The following BPHL variants were observed in gnomAD, a reference collection of about 807,000 sequenced individuals.
The protein encoded by BPHL is serine hydrolase BPHL.
Under a neutral mutation model 31.2 loss-of-function variants are expected in BPHL, and 27 were observed. The ratio of observed to expected loss-of-function variants is 0.87; its 90% CI spans 0.64 to 1.19. The LOEUF (loss-of-function observed/expected upper bound fraction) is 1.19, where lower values mean the gene tolerates loss of function less well. Ranked by LOEUF, BPHL falls within the 50% of genes most tolerant of loss-of-function variation. BPHL has a pLI of 0.00. For missense variants in BPHL, 356 were observed against 375.7 expected, an observed-to-expected ratio of 0.95 and a Z score of 0.43; for synonymous variants, 150 against 146.8, an observed-to-expected ratio of 1.02 and a Z score of -0.16.
chr6:3,135,775 T>G (rs1005250264), intron 4 of BPHL, among the ~76,000 whole-genome samples: 1 of 152,212 alleles, frequency 6.6e-6, no homozygotes, highest in African/African-American at 2.4e-5. Context: ...TTTGTGACCT[T>G]TGGTTAGGAG....
At chr6:3,136,926 A>G (rs961928145) in intron 4 of BPHL, among the ~76,000 whole-genome samples, 1 of 152,216 alleles carries the variant, frequency 6.6e-6, no homozygotes, top group Non-Finnish European at 1.5e-5. Flanking sequence ...TACAAATGCA[A>G]TGCAGAAAAA....
intron 1 of BPHL, chr6:3,119,646 A>T: frequency 5.8e-6 from 7 of 1,211,508 alleles, no homozygotes; most frequent in Non-Finnish European, 7.0e-6. Context: ...TTCTCTACAT[A>T]CATCCCTACA....
rs762985226 is a variant in BPHL at position 3,140,423 on chromosome 6, C to T, written c.702C>T (p.Cys234=). The change falls in exon 6 of 7, where the codon TGC becomes TGT. Residue 234 remains cysteine, a synonymous_variant. Transcript: ENST00000380379. The surrounding 1 kb of genome is among the most constrained non-coding windows in gnomAD (Gnocchi z 5.2). The part of the protein sequence containing the change: ...ICRHLLPRVQ[C]PALIVHGEKD... ...GGCACCTGCTGCCCCGGGTCCAGTG[C>T]CCCGCCTTGATTGTGCACGGTGAGA... 2 of 1,614,140 alleles carry T rather than the reference C, an allele frequency of 1.2e-6. No homozygotes were observed. The highest frequency in any genetic ancestry group is 2.2e-5 in the South Asian group (2 of 91,082).
At position 3,147,615 on chromosome 6, in the gene BPHL, C is replaced by CA. The variant is rs971675910; in HGVS notation, c.789-4864dup. Reference sequence around the variant, plus strand: ...GGTATATGGGCATATTTGGGTTCTCCAAAAAAAAAGAACCAACAAGACGTA... The same window carrying CA: ...GGTATATGGGCATATTTGGGTTCTCCAAAAAAAAAAGAACCAACAAGACGTA... On this transcript the variant is annotated intron_variant, in intron 6 of 6. Transcript: ENST00000380379. Among the ~76,000 whole-genome samples, 727 of 147,648 alleles carry CA rather than the reference C, an allele frequency of 4.9e-3. 5 individuals carry two copies. Among genetic ancestry groups the CA allele is most frequent in the African/African-American group, 0.017 (685 of 40,008 alleles).
chr6:3,152,612 G>C lies in BPHL; in HGVS notation c.*37G>C, dbSNP rs779260234. 6.4e-7 allele frequency: 1 copy of C among 1,572,572 alleles called. No individual in the cohort carries two copies. The highest frequency in any genetic ancestry group is 1.4e-5 in the African/African-American group (1 of 73,344). On this transcript the variant is annotated 3_prime_UTR_variant, in exon 7 of 7. Coordinates refer to ENST00000380379, the MANE Select transcript of BPHL (RefSeq NM_004332.4). ...CCAGTCTTGGTGGTTCCTTCGTGTG[G>C]GGCTTGATCGTGTTGCTGCCTGTTA...
upstream of BPHL, chr6:3,118,529 G>T: frequency 2.6e-6 from 1 of 388,778 alleles, no homozygotes; most frequent in Non-Finnish European, 4.5e-6. Flanking sequence ...GGTGCCGGCG[G>T]TTCCAGGACT....
Position 3,152,607 on chromosome 6 carries a change from G to T in BPHL, c.*32G>T, listed in dbSNP as rs140136196. ...ACACTCCAGTCTTGGTGGTTCCTTC[G>T]TGTGGGGCTTGATCGTGTTGCTGCC... On this transcript the variant is annotated 3_prime_UTR_variant, in exon 7 of 7. Transcript: ENST00000380379. 10 of 1,589,062 alleles carry T rather than the reference G, an allele frequency of 6.3e-6. No individual in the cohort carries two copies. The highest frequency in any genetic ancestry group is 1.3e-5 in the African/African-American group (1 of 74,150).
upstream of BPHL, chr6:3,118,706 C>A: frequency 1.6e-6 from 2 of 1,249,986 alleles, no homozygotes; most frequent in Non-Finnish European, 2.0e-6. Flanking sequence ...GGTCTTAGCG[C>A]ATGCGCACTC....
At chr6:3,126,955 G>T in intron 2 of BPHL, 4 of 187,212 alleles carry the variant, frequency 2.1e-5, no homozygotes, top group Non-Finnish European at 3.9e-5. Flanking sequence ...TATTTTAGTA[G>T]AGATGGGGTT....
intron 4 of BPHL, among the ~76,000 whole-genome samples, chr6:3,132,197 GC>G (rs1277706523): frequency 6.6e-6 from 1 of 152,128 alleles, no homozygotes; most frequent in Non-Finnish European, 1.5e-5. Context: ...TAGAGACCAA[GC>G]CCCCACCACG....
intron 4 of BPHL, among the ~76,000 whole-genome samples, chr6:3,134,858 T>TC (rs1761969661): frequency 6.6e-6 from 1 of 152,086 alleles, no homozygotes; most frequent in South Asian, 2.1e-4. Context: ...TGCCTCGGCC[T>TC]CCCAAAGTGC....
At chr6:3,150,883 C>G (rs1469492319) in intron 6 of BPHL, among the ~76,000 whole-genome samples, 1 of 152,244 alleles carries the variant, frequency 6.6e-6, no homozygotes, top group African/African-American at 2.4e-5. Flanking sequence ...GTCTGTCCAT[C>G]TGTCTATTCA....
chr6:3,133,735 G>A (rs572739103), intron 4 of BPHL, among the ~76,000 whole-genome samples: 1 of 152,268 alleles, frequency 6.6e-6, no homozygotes, highest in Admixed American at 6.5e-5. Context: ...CCGCCACCCC[G>A]TGTCCACTGC....
chr6:3,139,035 T>C (rs1184063452), intron 5 of BPHL: 1 of 152,122 alleles, frequency 6.6e-6, no homozygotes, highest in East Asian at 1.9e-4. Context: ...ATTGCACGGC[T>C]CTGGAGTGCG....
At chr6:3,147,280 A>AATAC (rs1321196807) in intron 6 of BPHL, among the ~76,000 whole-genome samples, 1 of 152,106 alleles carries the variant, frequency 6.6e-6, no homozygotes, top group African/African-American at 2.4e-5. Flanking sequence ...TAAATAAATA[A>AATAC]AAAATACTCA....
At chr6:3,131,070 G>C (rs1036161200) in intron 4 of BPHL, among the ~76,000 whole-genome samples, 4 of 152,072 alleles carry the variant, frequency 2.6e-5, no homozygotes, top group Non-Finnish European at 5.9e-5. Flanking sequence ...AGTCCTCTCA[G>C]CCTGCAAAAG....
chr6:3,119,364 C>T (rs948949102), intron 1 of BPHL: 1 of 1,573,950 alleles, frequency 6.4e-7, no homozygotes, highest in Non-Finnish European at 8.6e-7. Flanking sequence ...GCTTGCTGAT[C>T]TCGTACCTTA....
chr6:3,120,492 A>G lies in BPHL; in HGVS notation c.107+1645A>G, dbSNP rs139028701. 1.5e-4 allele frequency among the ~76,000 whole-genome samples: 23 copies of G among 152,294 alleles called. No homozygotes were observed. In the East Asian group the frequency reaches 4.4e-3, roughly 29 times the overall value. ...ATGCAGCTGCAAGTTGATATGACAT[A>G]TAATCTGGGAAAACAAGCAGTGGTA... On this transcript the variant is annotated intron_variant, in intron 1 of 6. Transcript: ENST00000380379.
chr6:3,146,411 G>C lies in BPHL; in HGVS notation c.788+5902G>C, dbSNP rs1762363391. 2.1e-5 allele frequency among the ~76,000 whole-genome samples: 3 copies of C among 140,848 alleles called. 1 individual carries two copies. The highest frequency in any genetic ancestry group is 5.6e-5 in the African/African-American group (2 of 35,896). 92.4% of individuals were successfully genotyped at this position (140,848 alleles called of 152,430 possible). ...CTGATTTGGGTCGGAGTGCTGGTTT[G>C]GGTTGAGTGCTGGTTTGGGTCGGAG... On this transcript the variant is annotated intron_variant, in intron 6 of 6. Transcript: ENST00000380379.
Sources: allele counts gnomAD v4.1 joint callset (sites outside exome capture counted in the v4.1 genomes callset), GRCh38; gene constraint gnomAD v4.1.1; non-coding constraint Gnocchi (gnomAD v3.1); transcripts MANE v1.5; gene names NCBI Gene and HGNC (gene_info 2026-07-23, HGNC 2026-07-21).